Variants in BAZ1A observed in about 807,000 individuals in gnomAD.
The protein encoded by BAZ1A is bromodomain adjacent to zinc finger domain 1A.
In BAZ1A, 50 loss-of-function variants were observed where a neutral mutation model predicts 185.2. The ratio of observed to expected loss-of-function variants is 0.27; its 90% CI spans 0.22 to 0.34. BAZ1A has a LOEUF of 0.34. Among genes scored for constraint, BAZ1A ranks in the 10% least tolerant of loss-of-function variants. The pLI is 1.00. For synonymous variants in BAZ1A, 571 were observed against 615.6 expected (o/e 0.93, Z 1.07); for missense variants, 1,356 against 1,839.9 (o/e 0.74, Z 4.81).
chr14:34,792,969 G>GA (rs1188867188), intron 11 of BAZ1A, 48 bp from the exon 12 acceptor site: 2 of 1,518,926 alleles, frequency 1.3e-6, no homozygotes, highest in South Asian at 2.5e-5. Context: ...TTCATGTACT[G>GA]AAAAAACAAC....
intron 3 of BAZ1A, among the ~76,000 whole-genome samples, chr14:34,856,854 G>A (rs1156842543): frequency 7.1e-5 from 4 of 56,150 alleles, no homozygotes; most frequent in East Asian, 5.8e-4. Context: ...AACGAAACTC[G>A]GTCTCAAAAA....
chr14:34,785,224 A>T (rs1566560544), intron 14 of BAZ1A, among the ~76,000 whole-genome samples: 1 of 152,162 alleles, frequency 6.6e-6, no homozygotes, highest in Non-Finnish European at 1.5e-5. Context: ...CACATGAATT[A>T]AAAAAAGACA....
chr14:34,765,576 A>AT (rs1230729422), intron 21 of BAZ1A, among the ~76,000 whole-genome samples: 7 of 152,242 alleles, frequency 4.6e-5, no homozygotes, highest in African/African-American at 1.7e-4. Context: ...TCTTGAGCTA[A>AT]TTTTAAAAAC....
Position 34,826,090 on chromosome 14 carries a change from A to C in BAZ1A, c.459T>G (p.Val153=), listed in dbSNP as rs2042161495. The C allele has an allele frequency of 6.2e-7, 1 of 1,612,488 alleles. No individual in the cohort carries two copies. The highest frequency in any genetic ancestry group is 1.1e-5 in the South Asian group (1 of 90,792). The change falls in exon 4 of 27, where the codon GTT becomes GTG. Residue 153 remains valine, a synonymous_variant. Transcript: ENST00000360310. The part of the protein sequence containing the change: ...SHQNGFANGH[V]NSVDGETIII... Reference sequence around the variant, plus strand: ...TAATAGTTTCTCCATCCACACTGTTAACATGTCCATTAGCAAAACCATTTT... The same window carrying C: ...TAATAGTTTCTCCATCCACACTGTTCACATGTCCATTAGCAAAACCATTTT...
chr14:34,806,438 C>T (rs1881860878), intron 6 of BAZ1A, among the ~76,000 whole-genome samples: 1 of 152,124 alleles, frequency 6.6e-6, no homozygotes, highest in Non-Finnish European at 1.5e-5. Context: ...TTCCCATCCT[C>T]TCCCTCCTCC....
At chr14:34,849,854 C>G (rs759754388) in intron 3 of BAZ1A, among the ~76,000 whole-genome samples, 2 of 152,216 alleles carry the variant, frequency 1.3e-5, no homozygotes, top group African/African-American at 4.8e-5. Context: ...CCACATATTG[C>G]TTCAAATCTG....
intron 3 of BAZ1A, 81 bp from the exon 4 acceptor site, chr14:34,826,237 G>C (rs540969923): frequency 1.4e-6 from 2 of 1,447,214 alleles, no homozygotes; most frequent in South Asian, 2.6e-5. Context: ...GAATTGTTTT[G>C]AACTAGTTAT....
chr14:34,775,631 T>C (rs772203520), intron 18 of BAZ1A, among the ~76,000 whole-genome samples: 3 of 152,208 alleles, frequency 2.0e-5, no homozygotes, highest in Non-Finnish European at 4.4e-5. Flanking sequence ...TATTCTTGGG[T>C]TTCAGAGTCT....
At chr14:34,783,991 TTTA>T in intron 14 of BAZ1A, 64 bp from the exon 15 acceptor site, 1 of 1,405,532 alleles carries the variant, frequency 7.1e-7, no homozygotes, top group Non-Finnish European at 9.5e-7. Context: ...GTTTGAACTT[TTTA>T]AATTTGTGGC....
At chr14:34,781,408 T>G (rs1376078161) in intron 16 of BAZ1A, among the ~76,000 whole-genome samples, 1 of 152,184 alleles carries the variant, frequency 6.6e-6, no homozygotes, top group East Asian at 1.9e-4. Context: ...TAGTAGTCAT[T>G]TCCCATTTCC....
Position 34,753,318 on chromosome 14 carries a change from C to T in BAZ1A, c.*190G>A, listed in dbSNP as rs538423491. ...ATACATCTATCAAACTTATTAGATA[C>T]TGAACAAAACTGTAGCAAAGGATAT... On this transcript the variant is annotated 3_prime_UTR_variant, in exon 27 of 27. Transcript: ENST00000360310. 5 of 588,418 alleles carry T rather than the reference C, an allele frequency of 8.5e-6. No individual in the cohort carries two copies. The South Asian group carries it at 1.2e-4, about 14-fold the overall frequency. 36.4% of individuals were successfully genotyped at this position (588,418 alleles called of 1,614,324 possible). A position where few individuals can be genotyped will look rare whatever the true frequency, so the allele number is the denominator to read the frequency against.
chr14:34,772,401 A>G (rs1879283354), intron 20 of BAZ1A, among the ~76,000 whole-genome samples: 1 of 152,100 alleles, frequency 6.6e-6, no homozygotes, highest in African/African-American at 2.4e-5. Flanking sequence ...ATGTTCTACT[A>G]AGACAAGTAG....
chr14:34,873,830 C>T (rs1250217260), intron 2 of BAZ1A, among the ~76,000 whole-genome samples: 2 of 152,200 alleles, frequency 1.3e-5, no homozygotes, highest in Non-Finnish European at 2.9e-5. Flanking sequence ...GCGTCGCACT[C>T]CGAGGCCTAG....
At chr14:34,860,421 T>C (rs895266076) in intron 3 of BAZ1A, among the ~76,000 whole-genome samples, 1 of 147,916 alleles carries the variant, frequency 6.8e-6, no homozygotes, top group African/African-American at 2.5e-5. Flanking sequence ...GGTGGGAGGA[T>C]GGCTTAAGCC....
chr14:34,792,440 G>C (rs1880911424), intron 12 of BAZ1A, among the ~76,000 whole-genome samples: 1 of 151,252 alleles, frequency 6.6e-6, no homozygotes, highest in Non-Finnish European at 1.5e-5. Context: ...AAAAAACAAA[G>C]AAACAGTGCT....
At chr14:34,857,331 T>C (rs893588819) in intron 3 of BAZ1A, among the ~76,000 whole-genome samples, 10 of 152,020 alleles carry the variant, frequency 6.6e-5, no homozygotes, top group Admixed American at 2.6e-4. Flanking sequence ...AGAGGTAGGG[T>C]CTTGCTGTGT....
chr14:34,851,512 T>C (rs2042596272), intron 3 of BAZ1A, among the ~76,000 whole-genome samples: 1 of 152,120 alleles, frequency 6.6e-6, no homozygotes, highest in South Asian at 2.1e-4. Flanking sequence ...TGTTCCTTTG[T>C]TGTATGATTT....
intron 3 of BAZ1A, among the ~76,000 whole-genome samples, chr14:34,828,293 CAAAAAAAA>C (rs369878009): frequency 3.0e-4 from 25 of 83,558 alleles, no homozygotes; most frequent in Non-Finnish European, 4.8e-4. Flanking sequence ...AACTCCGTCT[CAAAAAAAA>C]AAAAAAAAAA....
At position 34,870,289 on chromosome 14, in the gene BAZ1A, G is replaced by A. The variant is rs564490887; in HGVS notation, c.113+4203C>T. ...CTCTGCTATACCATCCAGGAAAAAA[G>A]GACTCATGGATCCAAGTATCAGGAC... On this transcript the variant is annotated intron_variant, in intron 2 of 26. Coordinates refer to ENST00000360310, the MANE Select transcript of BAZ1A (RefSeq NM_013448.3). 2.6e-5 allele frequency among the ~76,000 whole-genome samples: 4 copies of A among 152,212 alleles called. No homozygotes were observed. The South Asian group carries it at 8.3e-4, about 32-fold the overall frequency.
Sources: gnomAD v4.1 joint callset for allele counts (sites outside exome capture counted in the v4.1 genomes callset) on GRCh38, gnomAD v4.1.1 for gene constraint, MANE v1.5 for transcripts, NCBI Gene and HGNC (gene_info 2026-07-23, HGNC 2026-07-21) for gene names.